Variants in OR4D2 observed in about 807,000 individuals in gnomAD.
OR4D2 encodes the protein olfactory receptor 4D2.
Under a neutral mutation model 12.4 loss-of-function variants are expected in OR4D2, and 9 were observed. That is an observed-to-expected ratio of 0.73 (90% CI 0.44 to 1.27). The LOEUF (loss-of-function observed/expected upper bound fraction) is 1.27. Among genes scored for constraint, OR4D2 ranks in the 50% most tolerant of loss-of-function variants. OR4D2 has a pLI of 0.00. For missense variants in OR4D2, 373 were observed against 381.6 expected (o/e 0.98, Z 0.19); for synonymous variants, 151 against 151.1 (o/e 1.00, Z 0.01).
At position 58,170,877 on chromosome 17, in the gene OR4D2, T is replaced by C. The variant is rs1334376328; in HGVS notation, c.*298T>C. On this transcript the variant is annotated 3_prime_UTR_variant, in exon 2 of 2. Coordinates refer to ENST00000545221, the MANE Select transcript of OR4D2 (RefSeq NM_001004707.4). The stretch of plus-strand genomic sequence containing the variant: ...AGTTTCCTGTTGACAGCATTTCCCC[T>C]GTGCGAACATTTCTATTTTCCGTAT... 2.5e-6 allele frequency: 1 copy of C among 404,372 alleles called. No individual in the cohort carries two copies. Among genetic ancestry groups the C allele is most frequent in the Non-Finnish European group, 4.6e-6 (1 of 218,796 alleles). 25.0% of individuals were successfully genotyped at this position (404,372 alleles called of 1,614,324 possible). A position where few individuals can be genotyped will look rare whatever the true frequency, so the allele number is the denominator to read the frequency against.
chr17:58,169,545 C>G (rs948519114), intron 1 of OR4D2, 93 bp from the exon 2 acceptor site: 1 of 801,612 alleles, frequency 1.2e-6, no homozygotes, highest in Non-Finnish European at 2.2e-6. Flanking sequence ...GGATGCTCAT[C>G]ATATGGGCCT....
In OR4D2 at chr17:58,170,451, C is replaced by G; in HGVS notation, c.796C>G (p.Pro266Ala). Residue 266 changes from proline (P) to alanine (A), a missense_variant, in exon 2 of 2, where the codon CCT becomes GCT. Pro to Ala is a conservative substitution (Grantham distance 27). Coordinates refer to ENST00000545221, the MANE Select transcript of OR4D2 (RefSeq NM_001004707.4). ...CTATGCCCGGCCCTTCACTCCATTCCCTATGGACAAGCTTGTGTCCATCGG... is the reference window on the plus strand; with the variant it reads ...CTATGCCCGGCCCTTCACTCCATTCGCTATGGACAAGCTTGTGTCCATCGG... ...YLYARPFTPF[P>A]MDKLVSIGHT... is the part of the protein sequence containing the mutation. 1 of 1,614,196 alleles carries G rather than the reference C, an allele frequency of 6.2e-7. No individual in the cohort carries two copies. Among genetic ancestry groups the G allele is most frequent in the Non-Finnish European group, 8.5e-7 (1 of 1,180,022 alleles).
chr17:58,167,410 T>C (rs906587048), intron 1 of OR4D2, among the ~76,000 whole-genome samples: 2 of 152,098 alleles, frequency 1.3e-5, no homozygotes, highest in Non-Finnish European at 2.9e-5. Flanking sequence ...TTACCAAAGA[T>C]ATGAAAATAA....
chr17:58,169,614 G>C (rs1758146839), intron 1 of OR4D2, 24 bp from the exon 2 acceptor site: 2 of 1,506,500 alleles, frequency 1.3e-6, no homozygotes, highest in African/African-American at 1.4e-5. Flanking sequence ...TCATGTATCT[G>C]TGTCTGTGGT....
Position 58,170,822 on chromosome 17 carries a change from C to T in OR4D2, c.*243C>T, listed in dbSNP as rs78146205. 55,226 of 514,032 alleles carry T rather than the reference C, an allele frequency of 0.11. 3,366 individuals carry two copies. The highest frequency in any genetic ancestry group is 0.15 in the South Asian group (6,624 of 45,478). The allele number at this position is 514,032 out of a possible 1,614,324, so 31.8% of individuals were successfully genotyped here. A position where few individuals can be genotyped will look rare whatever the true frequency, so the allele number is the denominator to read the frequency against. ...AATTGTTCACATGGCCCCTGAAAAC[C>T]ACACCTTCCTTTTCACCTTCTTGGT... On this transcript the variant is annotated 3_prime_UTR_variant, in exon 2 of 2. Transcript: ENST00000545221.
chr17:58,167,540 C>G (rs1830662040), intron 1 of OR4D2, among the ~76,000 whole-genome samples: 1 of 152,102 alleles, frequency 6.6e-6, no homozygotes. Context: ...GTATGAAATG[C>G]TGAGAGAGAG....
Position 58,169,676 on chromosome 17 carries a change from G to A in OR4D2, c.21G>A (p.Thr7=), listed in dbSNP as rs550590537. 1.2e-5 allele frequency: 19 copies of A among 1,614,006 alleles called. No individual in the cohort carries two copies. Among genetic ancestry groups the A allele is most frequent in the African/African-American group, 5.3e-5 (4 of 75,050 alleles). METGNL[T]WVSDFVFLGL... ...ACACCATGGAAACAGGGAACCTCAC[G>A]TGGGTATCAGACTTTGTCTTCCTGG... is the stretch of plus-strand genomic sequence containing the variant. Residue 7 remains threonine, a synonymous_variant, in exon 2 of 2, where the codon ACG becomes ACA. Coordinates refer to ENST00000545221, the MANE Select transcript of OR4D2 (RefSeq NM_001004707.4).
rs761617422 is a variant in OR4D2, at chr17:58,169,839, C to T, written c.184C>T (p.Leu62=). The change falls in exon 2 of 2, where the codon CTG becomes TTG. Residue 62 remains leucine (L), a synonymous_variant. Transcript: ENST00000545221. The stretch of plus-strand genomic sequence containing the variant: ...CCAGCTCCACACACCCATGTACTTT[C>T]TGCTCCGAAACCTGGCTGTCCTAGA... ...DSQLHTPMYF[L]LRNLAVLDLC... 2 of 1,614,204 alleles carry T rather than the reference C, an allele frequency of 1.2e-6. No individual in the cohort carries two copies. Among genetic ancestry groups the T allele is most frequent in the East Asian group, 2.2e-5 (1 of 44,888 alleles).
chr17:58,169,235 A>C (rs1298929293), intron 1 of OR4D2, among the ~76,000 whole-genome samples: 1 of 152,210 alleles, frequency 6.6e-6, no homozygotes, highest in African/African-American at 2.4e-5. Flanking sequence ...ATTCTACTTA[A>C]GTCCTCAGAA....
Position 58,170,080 on chromosome 17 carries a change from T to G in OR4D2, c.425T>G (p.Val142Gly). 1 of 1,613,966 alleles carries G rather than the reference T, an allele frequency of 6.2e-7. No individual in the cohort carries two copies. The highest frequency in any genetic ancestry group is 2.2e-5 in the East Asian group (1 of 44,888). ...ACCGTCATGAACACTCAGCTCTGGG[T>G]GGGGCTGGTGGTAGCCACCTGGGTG... ...YVTVMNTQLW[V>G]GLVVATWVGG... is the part of the protein sequence containing the mutation. Residue 142 changes from valine to glycine, a missense_variant, in exon 2 of 2, where the codon GTG (valine) becomes GGG (glycine). Physicochemically the swap from Val to Gly is moderately radical, Grantham distance 109. Coordinates refer to ENST00000545221, the MANE Select transcript of OR4D2 (RefSeq NM_001004707.4).
chr17:58,169,553 C>T, intron 1 of OR4D2, 85 bp from the exon 2 acceptor site: 1 of 853,570 alleles, frequency 1.2e-6, no homozygotes, highest in South Asian at 1.4e-5. Flanking sequence ...ATCATATGGG[C>T]CTAAAACCTT....
chr17:58,169,545 C>A, intron 1 of OR4D2, 93 bp from the exon 2 acceptor site: 2 of 801,730 alleles, frequency 2.5e-6, no homozygotes, highest in Non-Finnish European at 2.2e-6. Flanking sequence ...GGATGCTCAT[C>A]ATATGGGCCT....
At position 58,170,720 on chromosome 17, in the gene OR4D2, T is replaced by A; in HGVS notation, c.*141T>A. Reference sequence around the variant, plus strand: ...AATTTTGAAACTAAGCAACTTCGTGTTTTAGGAAAAAAGAAAGTATCCTCT... The same window carrying A: ...AATTTTGAAACTAAGCAACTTCGTGATTTAGGAAAAAAGAAAGTATCCTCT... On this transcript the variant is annotated 3_prime_UTR_variant, in exon 2 of 2. Coordinates refer to ENST00000545221, the MANE Select transcript of OR4D2 (RefSeq NM_001004707.4). The A allele has an allele frequency of 1.5e-6, 1 of 685,382 alleles. No homozygotes were observed. Among genetic ancestry groups the A allele is most frequent in the Non-Finnish European group, 2.5e-6 (1 of 392,914 alleles). 42.5% of individuals were successfully genotyped at this position (685,382 alleles called of 1,614,324 possible).
In OR4D2 at chr17:58,170,139, C is replaced by T; in HGVS notation, c.484C>T (p.Leu162=). Residue 162 remains leucine (L), a synonymous_variant, in exon 2 of 2, where the codon CTG becomes TTG. Transcript: ENST00000545221. ...GFVHSIVQLA[L]MLPLPFCGPN... ...TGTCCACTCTATTGTCCAGCTGGCT[C>T]TGATGCTCCCACTGCCCTTCTGTGG... The T allele has an allele frequency of 6.2e-7, 1 of 1,614,198 alleles. No individual in the cohort carries two copies.
rs774079875 is a variant in OR4D2 at position 58,170,057 on chromosome 17, C to T, written c.402C>T (p.Thr134=). ...IAISRPLRYV[T]VMNTQLWVGL... The stretch of plus-strand genomic sequence containing the variant: ...TCTCCCGGCCCCTCCGCTATGTCAC[C>T]GTCATGAACACTCAGCTCTGGGTGG... The change falls in exon 2 of 2, where the codon ACC becomes ACT. Residue 134 remains threonine (T), a synonymous_variant. Coordinates refer to ENST00000545221, the MANE Select transcript of OR4D2 (RefSeq NM_001004707.4). 1.9e-6 allele frequency: 3 copies of T among 1,614,142 alleles called. No homozygotes were observed. The highest frequency in any genetic ancestry group is 2.2e-5 in the East Asian group (1 of 44,874).
chr17:58,170,818 A>C lies in OR4D2; in HGVS notation c.*239A>C. On this transcript the variant is annotated 3_prime_UTR_variant, in exon 2 of 2. Transcript: ENST00000545221. ...TGAGAATTGTTCACATGGCCCCTGA[A>C]AACCACACCTTCCTTTTCACCTTCT... 1.9e-6 allele frequency: 1 copy of C among 523,904 alleles called. No homozygotes were observed. Among genetic ancestry groups the C allele is most frequent in the Non-Finnish European group, 3.4e-6 (1 of 292,932 alleles). 32.5% of individuals were successfully genotyped at this position (523,904 alleles called of 1,614,324 possible).
rs60994383 is a variant in OR4D2 at position 58,169,740 on chromosome 17, C to A, written c.85C>A (p.Leu29Ile). ...QTRELQRFLF[L>I]MFLFVYITTV... ...TCGGGAGCTCCAGCGTTTCCTGTTT[C>A]TAATGTTCCTGTTTGTCTACATCAC... Residue 29 changes from leucine (L) to isoleucine (I), a missense_variant, in exon 2 of 2, where the codon CTA becomes ATA. Leu to Ile is a conservative substitution (Grantham distance 5). Transcript: ENST00000545221. 0.23 allele frequency: 366,285 copies of A among 1,613,238 alleles called. 42,936 individuals are homozygous for A. The highest frequency in any genetic ancestry group is 0.36 in the African/African-American group (27,115 of 74,882).
chr17:58,168,529 T>C (rs1299430250), intron 1 of OR4D2, among the ~76,000 whole-genome samples: 1 of 152,116 alleles, frequency 6.6e-6, no homozygotes, highest in Non-Finnish European at 1.5e-5. Context: ...TTCTGTCCCT[T>C]TAGTCCCGTT....
chr17:58,167,929 G>A (rs1967908882), intron 1 of OR4D2, among the ~76,000 whole-genome samples: 1 of 149,558 alleles, frequency 6.7e-6, no homozygotes, highest in Non-Finnish European at 1.5e-5. Flanking sequence ...CGTGAACCCG[G>A]GAGGCGGAGC....
Sources: gnomAD v4.1 joint callset for allele counts (sites outside exome capture counted in the v4.1 genomes callset) on GRCh38, gnomAD v4.1.1 for gene constraint, MANE v1.5 for transcripts, NCBI Gene and HGNC (gene_info 2026-07-23, HGNC 2026-07-21) for gene names.